The following FOXN3 variants were observed in gnomAD, a reference collection of about 807,000 sequenced individuals.
The protein encoded by FOXN3 is forkhead box N3, also known as forkhead box protein N3.
Under a neutral mutation model 38.4 loss-of-function variants are expected in FOXN3, and 7 were observed. The ratio of observed to expected loss-of-function variants is 0.18; its 90% CI spans 0.10 to 0.34. The LOEUF is 0.34. Among genes scored for constraint, FOXN3 ranks in the 10% least tolerant of loss-of-function variants. FOXN3 has a pLI of 1.00. For synonymous variants in FOXN3, 230 were observed against 242.2 expected, an observed-to-expected ratio of 0.95 and a Z score of 0.47; for missense variants, 456 against 613.4, an observed-to-expected ratio of 0.74 and a Z score of 2.71.
At chr14:89,599,390 T>C (rs1896115370) in intron 1 of FOXN3, among the ~76,000 whole-genome samples, 1 of 152,204 alleles carries the variant, frequency 6.6e-6, no homozygotes, top group African/African-American at 2.4e-5. Flanking sequence ...GTAATTGTAT[T>C]TTTCAGTTCC....
chr14:89,490,348 C>T (rs1312681638), intron 1 of FOXN3, among the ~76,000 whole-genome samples: 6 of 152,138 alleles, frequency 3.9e-5, no homozygotes, highest in Admixed American at 2.6e-4. Flanking sequence ...TGTTGGATGA[C>T]GGTGTTTACA....
rs375533459 is a variant in FOXN3, at chr14:89,503,267, T to C, written c.-14-90777A>G. Among the ~76,000 whole-genome samples the C allele has an allele frequency of 2.8e-4, 43 of 152,198 alleles. No individual in the cohort carries two copies. The East Asian group carries it at 3.5e-3, about 12-fold the overall frequency. On this transcript the variant is annotated intron_variant, in intron 1 of 6. Coordinates refer to the FOXN3 transcript ENST00000345097. ...ATTAGCTAAGAATACACTGGAAACA[T>C]TGTTCCTTCTATATTATCAAGAATG...
Position 89,366,536 on chromosome 14 carries a change from T to C in FOXN3, c.544-15728A>G, listed in dbSNP as rs115937404. Among the ~76,000 whole-genome samples, 846 of 152,328 alleles carry C rather than the reference T, an allele frequency of 5.6e-3. 8 individuals carry two copies. Among genetic ancestry groups the C allele is most frequent in the African/African-American group, 0.02 (811 of 41,570 alleles). ...AAAAGTTTGAAAGGCAAGCTGACAG[T>C]GCTAGTAGGGATGAGGGGAAATAAA... On this transcript the variant is annotated intron_variant, in intron 2 of 5. Coordinates refer to ENST00000557258, the MANE Select transcript of FOXN3 (RefSeq NM_005197.4).
chr14:89,595,692 A>C (rs956941196), intron 1 of FOXN3, among the ~76,000 whole-genome samples: 10 of 152,134 alleles, frequency 6.6e-5, no homozygotes, highest in African/African-American at 2.4e-4. Flanking sequence ...TTTCTCTTTC[A>C]TGTCTCATCA....
intron 4 of FOXN3, among the ~76,000 whole-genome samples, chr14:89,191,727 T>C (rs1049985484): frequency 2.7e-5 from 4 of 149,576 alleles, no homozygotes; most frequent in Non-Finnish European, 4.4e-5. Context: ...ATATGGATAA[T>C]GCTGGTTCCC....
intron 1 of FOXN3, among the ~76,000 whole-genome samples, chr14:89,505,660 C>A (rs963342996): frequency 2.6e-5 from 4 of 152,200 alleles, no homozygotes; most frequent in Admixed American, 6.5e-5. Context: ...CTTGGCCCCC[C>A]AAAGTGCCGA....
rs563119327 is a variant in FOXN3, at chr14:89,341,831, T to G, written c.680+8841A>C. Among the ~76,000 whole-genome samples the G allele has an allele frequency of 7.9e-5, 12 of 152,312 alleles. No individual in the cohort carries two copies. The South Asian group carries it at 2.5e-3, about 32-fold the overall frequency. On this transcript the variant is annotated intron_variant, in intron 3 of 5. Coordinates refer to ENST00000557258, the MANE Select transcript of FOXN3 (RefSeq NM_005197.4). Reference sequence around the variant, plus strand: ...GGGAAGGCGAGGGGTTTGACAAATATGCAGAATGCAGGTGAGCCCCACTTT... The same window carrying G: ...GGGAAGGCGAGGGGTTTGACAAATAGGCAGAATGCAGGTGAGCCCCACTTT...
chr14:89,346,589 GAGGTACCCGGTATCA>G (rs1415286446), intron 3 of FOXN3, among the ~76,000 whole-genome samples: 7 of 152,196 alleles, frequency 4.6e-5, no homozygotes, highest in Admixed American at 1.3e-4. Context: ...TGTCCTACGA[GAGGTACCCGGTATCA>G]ACATCACATC....
chr14:89,166,407 T>C (rs1887244066), intron 5 of FOXN3, among the ~76,000 whole-genome samples: 1 of 152,158 alleles, frequency 6.6e-6, no homozygotes, highest in African/African-American at 2.4e-5. Context: ...CCACCTAGAA[T>C]CAGACTGCAT....
chr14:89,605,219 A>C (rs1019890273), intron 1 of FOXN3, among the ~76,000 whole-genome samples: 5 of 152,106 alleles, frequency 3.3e-5, no homozygotes, highest in Non-Finnish European at 7.4e-5. Flanking sequence ...CAAAAACGAA[A>C]CCTAAATTGG....
chr14:89,606,388 TAAG>T (rs751649418), intron 1 of FOXN3, among the ~76,000 whole-genome samples: 9 of 152,176 alleles, frequency 5.9e-5, no homozygotes, highest in East Asian at 1.9e-4. Flanking sequence ...CTCTTTATTT[TAAG>T]AAGGATAGAA....
At chr14:89,434,389 G>A (rs994314871) in intron 1 of FOXN3, among the ~76,000 whole-genome samples, 7 of 151,790 alleles carry the variant, frequency 4.6e-5, no homozygotes, top group South Asian at 2.1e-4. Flanking sequence ...CACCACACCC[G>A]GCTAATTTTT....
rs1459084334 is a variant in FOXN3, at chr14:89,616,582, C to T, written c.-15+2446G>A. Among the ~76,000 whole-genome samples, 3 of 136,186 alleles carry T rather than the reference C, an allele frequency of 2.2e-5. No homozygotes were observed. The Admixed American group carries it at 2.5e-4, about 12-fold the overall frequency. The allele number at this position is 136,186 out of a possible 152,430, so 89.3% of individuals were successfully genotyped here. A position where few individuals can be genotyped will look rare whatever the true frequency, so the allele number is the denominator to read the frequency against. Reference sequence around the variant, plus strand: ...TCAAAATGCCACCAGTCTGTAAGTTCCATTGCTTGAGTTCAACTTTGAACC... The same window carrying T: ...TCAAAATGCCACCAGTCTGTAAGTTTCATTGCTTGAGTTCAACTTTGAACC... On this transcript the variant is annotated intron_variant, in intron 1 of 6. Coordinates refer to the FOXN3 transcript ENST00000345097.
intron 3 of FOXN3, among the ~76,000 whole-genome samples, chr14:89,298,509 T>G (rs1173119940): frequency 6.7e-6 from 1 of 149,648 alleles, no homozygotes; most frequent in Non-Finnish European, 1.5e-5. Context: ...ATAGTACATT[T>G]TATTTCATGT....
At chr14:89,168,581 GAC>G (rs1459770892) in intron 5 of FOXN3, among the ~76,000 whole-genome samples, 3 of 152,176 alleles carry the variant, frequency 2.0e-5, no homozygotes, top group Non-Finnish European at 2.9e-5. Flanking sequence ...GCAGCAGAAA[GAC>G]ACAGAGATAG....
chr14:89,393,425 G>A (rs1891012808), intron 2 of FOXN3, among the ~76,000 whole-genome samples: 1 of 152,198 alleles, frequency 6.6e-6, no homozygotes, highest in Non-Finnish European at 1.5e-5. Flanking sequence ...GCTTACACAG[G>A]AAACGCACAG....
chr14:89,397,371 C>T (rs1430255994), intron 2 of FOXN3, among the ~76,000 whole-genome samples: 1 of 148,210 alleles, frequency 6.7e-6, no homozygotes, highest in Non-Finnish European at 1.5e-5. Context: ...ATCTGTACAA[C>T]AAACCCCTGT....
At chr14:89,508,729 G>A (rs1893999396) in intron 1 of FOXN3, among the ~76,000 whole-genome samples, 1 of 152,156 alleles carries the variant, frequency 6.6e-6, no homozygotes, top group Non-Finnish European at 1.5e-5. Flanking sequence ...ATCACCTGCA[G>A]GCCCTGTGAG....
intron 1 of FOXN3, among the ~76,000 whole-genome samples, chr14:89,599,566 G>GT (rs369673170): frequency 1.2e-4 from 16 of 130,460 alleles, no homozygotes; most frequent in African/African-American, 3.2e-4. Flanking sequence ...ATTTTTTATT[G>GT]TTTTTTTTAA....
Sources: gnomAD v4.1 joint callset for allele counts (sites outside exome capture counted in the v4.1 genomes callset) on GRCh38, gnomAD v4.1.1 for gene constraint, MANE v1.5 for transcripts, NCBI Gene and HGNC (gene_info 2026-07-23, HGNC 2026-07-21) for gene names.